The following HCRTR2 variants were observed in gnomAD, a reference collection of about 807,000 sequenced individuals.
HCRTR2 encodes orexin receptor type 2.
A neutral mutation model predicts 49.0 loss-of-function variants in HCRTR2; 22 were observed. That is an observed-to-expected ratio of 0.45 (90% confidence interval 0.32 to 0.64). HCRTR2 has a LOEUF of 0.64. Ranked by LOEUF, HCRTR2 falls within the 30% of genes least tolerant of loss-of-function variation. HCRTR2 has a pLI of 0.04. For missense variants in HCRTR2, 491 were observed against 559.4 expected (o/e 0.88, Z 1.23); for synonymous variants, 236 against 205.3 (o/e 1.15, Z -1.28).
chr6:55,149,293 A>C lies in HCRTR2; in HGVS notation c.-377-24918A>C, dbSNP rs2127257123. Among the ~76,000 whole-genome samples, 3 of 152,274 alleles carry C rather than the reference A, an allele frequency of 2.0e-5. No individual in the cohort carries two copies. The South Asian group carries it at 6.2e-4, about 32-fold the overall frequency. On this transcript the variant is annotated intron_variant, in intron 1 of 7. Coordinates refer to the HCRTR2 transcript ENST00000615358. The stretch of plus-strand genomic sequence containing the variant: ...CTGTTACTGTATTTCAAAAGAAGTC[A>C]TCAATATGTTTCATATTTGTACCAC...
chr6:55,279,110 G>A (rs1767137091), intron 5 of HCRTR2, among the ~76,000 whole-genome samples: 1 of 151,758 alleles, frequency 6.6e-6, no homozygotes, highest in Non-Finnish European at 1.5e-5. Flanking sequence ...GATATTTCAA[G>A]TTTTGGGGCA....
At chr6:55,142,053 T>C (rs981712020) in intron 1 of HCRTR2, among the ~76,000 whole-genome samples, 1 of 152,198 alleles carries the variant, frequency 6.6e-6, no homozygotes, top group African/African-American at 2.4e-5. Context: ...AATCAAGATG[T>C]GACATATGCC....
intron 1 of HCRTR2, among the ~76,000 whole-genome samples, chr6:55,143,533 G>T (rs951749390): frequency 5.9e-5 from 9 of 152,090 alleles, no homozygotes; most frequent in African/African-American, 9.7e-5. Flanking sequence ...TTCCTTTTTG[G>T]TTTTTTGTCT....
At position 55,277,364 on chromosome 6, in the gene HCRTR2, T is replaced by A. The variant is rs1424342157; in HGVS notation, c.763-16T>A. 3 of 1,600,640 alleles carry A rather than the reference T, an allele frequency of 1.9e-6. No homozygotes were observed. The highest frequency in any genetic ancestry group is 2.6e-6 in the Non-Finnish European group (3 of 1,167,898). On this transcript the variant is annotated splice_polypyrimidine_tract_variant and intron_variant, in intron 4 of 6. Transcript: ENST00000370862. ...TAAGTCAAATTGCAATAAGGGTCTG[T>A]CTCTTCTCCTTTCAGATCCCTGGAA...
chr6:55,162,571 T>C (rs1413319935), intron 1 of HCRTR2, among the ~76,000 whole-genome samples: 2 of 152,228 alleles, frequency 1.3e-5, no homozygotes, highest in East Asian at 3.9e-4. Context: ...GATGACATCA[T>C]TGTATATTTA....
intron 1 of HCRTR2, among the ~76,000 whole-genome samples, chr6:55,189,391 A>G (rs1228747800): frequency 6.6e-6 from 1 of 152,206 alleles, no homozygotes; most frequent in South Asian, 2.1e-4. Context: ...ATGAAAAAAA[A>G]TGAAACAAAC....
rs191054743 is a variant in HCRTR2, at chr6:55,279,406, C to T, written c.984-917C>T. Among the ~76,000 whole-genome samples, 26 of 149,658 alleles carry T rather than the reference C, an allele frequency of 1.7e-4. No homozygotes were observed. The East Asian group carries it at 4.1e-3, about 24-fold the overall frequency. On this transcript the variant is annotated intron_variant, in intron 5 of 6. Coordinates refer to ENST00000370862, the MANE Select transcript of HCRTR2 (RefSeq NM_001384272.1). ...TAACATAGTACAAATTTCTTTTGTCCGTATTATTTCACTCTATATAGTATT... is the reference window on the plus strand; with the variant it reads ...TAACATAGTACAAATTTCTTTTGTCTGTATTATTTCACTCTATATAGTATT...
intron 1 of HCRTR2, among the ~76,000 whole-genome samples, chr6:55,142,200 A>AT (rs1561984955): frequency 4.6e-5 from 7 of 151,678 alleles, no homozygotes; most frequent in African/African-American, 1.5e-4. Flanking sequence ...TTTAAAAAAA[A>AT]ATTTTTTTTT....
intron 1 of HCRTR2, among the ~76,000 whole-genome samples, chr6:55,153,322 C>T (rs1163764377): frequency 1.3e-5 from 2 of 151,964 alleles, no homozygotes; most frequent in South Asian, 2.1e-4. Flanking sequence ...TTACAGAAAC[C>T]TAGATGGTAT....
intron 1 of HCRTR2, among the ~76,000 whole-genome samples, chr6:55,218,383 T>C (rs1023078832): frequency 6.6e-6 from 1 of 151,990 alleles, no homozygotes; most frequent in African/African-American, 2.4e-5. Flanking sequence ...TAGAAAACAA[T>C]AAAATGGCAA....
rs149811851 is a variant in HCRTR2 at position 55,118,089 on chromosome 6, C to A, written c.-378+11544C>A. Among the ~76,000 whole-genome samples, 262 of 151,876 alleles carry A rather than the reference C, an allele frequency of 1.7e-3. 3 individuals are homozygous for A. The highest frequency in any genetic ancestry group is 5.7e-3 in the African/African-American group (237 of 41,466). ...TCCACAAGGCCCCAGTGTGTGTGTT[C>A]CCCAATATGCGTCCATGTGTTCTCA... On this transcript the variant is annotated intron_variant, in intron 1 of 7. Transcript: ENST00000615358.
upstream of HCRTR2, among the ~76,000 whole-genome samples, chr6:55,170,618 TAC>T (rs1764935455): frequency 1.3e-5 from 2 of 152,168 alleles, no homozygotes; most frequent in Admixed American, 1.3e-4. Flanking sequence ...AGTTCTAGGG[TAC>T]ATGTGCACAA....
chr6:55,213,753 A>G (rs1034804116), intron 1 of HCRTR2, among the ~76,000 whole-genome samples: 1 of 152,162 alleles, frequency 6.6e-6, no homozygotes, highest in African/African-American at 2.4e-5. Flanking sequence ...TCAAAGGACT[A>G]GCTTCCGTCA....
At position 55,174,518 on chromosome 6, in the gene HCRTR2, A is replaced by G; in HGVS notation, c.-70A>G. ...TCTCCGCGCAGCCTTTCCCACCGCA[A>G]ATCACCAGTGCTCATGGGGCAGGCG... On this transcript the variant is annotated 5_prime_UTR_variant, in exon 1 of 7. Transcript: ENST00000370862. 2 of 1,316,308 alleles carry G rather than the reference A, an allele frequency of 1.5e-6. No individual in the cohort carries two copies. The highest frequency in any genetic ancestry group is 1.7e-5 in the Admixed American group (1 of 59,604). 81.5% of individuals were successfully genotyped at this position (1,316,308 alleles called of 1,614,324 possible).
At chr6:55,155,895 G>T (rs1417992916) in intron 1 of HCRTR2, among the ~76,000 whole-genome samples, 1 of 151,826 alleles carries the variant, frequency 6.6e-6, no homozygotes, top group Non-Finnish European at 1.5e-5. Flanking sequence ...AGTGAAAAAT[G>T]ACTAATTTTG....
At chr6:55,178,731 C>T (rs1208250221) in intron 1 of HCRTR2, among the ~76,000 whole-genome samples, 2 of 152,300 alleles carry the variant, frequency 1.3e-5, no homozygotes, top group Admixed American at 6.5e-5. Flanking sequence ...CATTACTCTC[C>T]TTTTCCACAC....
chr6:55,117,397 C>A (rs1292771109), intron 1 of HCRTR2, among the ~76,000 whole-genome samples: 2 of 151,656 alleles, frequency 1.3e-5, no homozygotes, highest in African/African-American at 4.8e-5. Context: ...TACTGAATCT[C>A]AGACAAGTGC....
chr6:55,179,194 C>G (rs139438627), intron 1 of HCRTR2, among the ~76,000 whole-genome samples: 1 of 152,084 alleles, frequency 6.6e-6, no homozygotes, highest in East Asian at 1.9e-4. Flanking sequence ...TCTGCTTCTC[C>G]GAATGCCCAT....
At chr6:55,110,037 A>G (rs1234238531) in intron 1 of HCRTR2, among the ~76,000 whole-genome samples, 1 of 152,176 alleles carries the variant, frequency 6.6e-6, no homozygotes, top group Non-Finnish European at 1.5e-5. Context: ...CAGAGACCCT[A>G]CAAGATAGAA....
Sources: gnomAD v4.1 joint callset for allele counts (sites outside exome capture counted in the v4.1 genomes callset) on GRCh38, gnomAD v4.1.1 for gene constraint, MANE v1.5 for transcripts, NCBI Gene and HGNC (gene_info 2026-07-23, HGNC 2026-07-21) for gene names.